The following PRKAR1B variants were observed in gnomAD, a reference collection of about 807,000 sequenced individuals.
The protein encoded by PRKAR1B is protein kinase cAMP-dependent type I regulatory subunit beta.
Under a neutral mutation model 46.5 loss-of-function variants are expected in PRKAR1B, and 22 were observed. The ratio of observed to expected loss-of-function variants is 0.47; its 90% CI spans 0.34 to 0.68. The LOEUF (loss-of-function observed/expected upper bound fraction) is 0.68. PRKAR1B is among the 30% of genes least tolerant of loss of function. PRKAR1B has a pLI of 0.01. For synonymous variants in PRKAR1B, 259 were observed against 217.7 expected (o/e 1.19, Z -1.67); for missense variants, 445 against 535.6 (o/e 0.83, Z 1.67).
At chr7:591,773 G>T (rs537772902) in intron 7 of PRKAR1B, among the ~76,000 whole-genome samples, 1 of 152,284 alleles carries the variant, frequency 6.6e-6, no homozygotes, top group African/African-American at 2.4e-5. Flanking sequence ...GAAATGACTG[G>T]TGATGCCTGA....
chr7:680,643 C>T lies in PRKAR1B; in HGVS notation c.261G>A (p.Pro87=), dbSNP rs545804273. 25 of 1,160,366 alleles carry T rather than the reference C, an allele frequency of 2.2e-5. No individual in the cohort carries two copies. The highest frequency in any genetic ancestry group is 7.6e-5 in the East Asian group (2 of 26,312). 71.9% of individuals were successfully genotyped at this position (1,160,366 alleles called of 1,614,324 possible). Residue 87 remains proline, a synonymous_variant, in exon 3 of 11, where the codon CCG becomes CCA. Transcript: ENST00000537384. ...GGCGGCGGGCCTTCACCACAGGGTT[C>T]GGGGGGGTGGGCGACACCTCCTCAT... ...SHDEEVSPTP[P]NPVVKARRRR... is the part of the protein sequence containing the mutation.
chr7:662,017 C>T (rs1221216021), intron 4 of PRKAR1B, among the ~76,000 whole-genome samples: 6 of 72,672 alleles, frequency 8.3e-5, no homozygotes, highest in South Asian at 8.3e-4. Context: ...AGGTCCCCAC[C>T]CCAACGGATC....
chr7:634,342 C>G (rs1783923328), intron 4 of PRKAR1B, among the ~76,000 whole-genome samples: 1 of 149,930 alleles, frequency 6.7e-6, no homozygotes, highest in Non-Finnish European at 1.5e-5. Context: ...CATTTTTCAA[C>G]TTAGCCAGGT....
chr7:583,137 G>A (rs993205338), intron 8 of PRKAR1B, among the ~76,000 whole-genome samples: 2 of 152,082 alleles, frequency 1.3e-5, no homozygotes, highest in Non-Finnish European at 2.9e-5. Flanking sequence ...TGGGAGCGGT[G>A]CCGACAACGT....
chr7:667,735 T>C lies in PRKAR1B; in HGVS notation c.440+9494A>G, dbSNP rs1786010081. Reference sequence around the variant, plus strand: ...CGAGCTCAAACCCTAGCTCTGCTCCTGAGGAGTTGTGGGGCCTTGGACAAG... The same window carrying C: ...CGAGCTCAAACCCTAGCTCTGCTCCCGAGGAGTTGTGGGGCCTTGGACAAG... On this transcript the variant is annotated intron_variant, in intron 4 of 10. Coordinates refer to ENST00000537384, the MANE Select transcript of PRKAR1B (RefSeq NM_001164760.2). This position sits in a 1 kb window ranked among gnomAD's most constrained non-coding sequence, Gnocchi z 4.3. 6.6e-6 allele frequency among the ~76,000 whole-genome samples: 1 copy of C among 152,162 alleles called. No homozygotes were observed. Among genetic ancestry groups the C allele is most frequent in the African/African-American group, 2.4e-5 (1 of 41,428 alleles).
intron 1 of PRKAR1B, among the ~76,000 whole-genome samples, chr7:723,715 T>C (rs1781154089): frequency 2.0e-5 from 3 of 152,190 alleles, no homozygotes; most frequent in Non-Finnish European, 4.4e-5. Flanking sequence ...TGCTCCCACC[T>C]TGAAATCCTC....
chr7:688,525 C>T (rs575248159), intron 2 of PRKAR1B, among the ~76,000 whole-genome samples: 3 of 152,334 alleles, frequency 2.0e-5, no homozygotes, highest in East Asian at 3.9e-4. Context: ...GCGTGATCTG[C>T]CCTCAGCCCC....
intron 8 of PRKAR1B, among the ~76,000 whole-genome samples, chr7:582,583 G>T (rs1384592485): frequency 6.6e-6 from 1 of 152,290 alleles, no homozygotes; most frequent in African/African-American, 2.4e-5. Flanking sequence ...CACGCGGCCA[G>T]GGCGTGCGAC....
chr7:692,402 A>G (rs1338616275), intron 2 of PRKAR1B, among the ~76,000 whole-genome samples: 2 of 152,110 alleles, frequency 1.3e-5, no homozygotes, highest in Non-Finnish European at 1.5e-5. Flanking sequence ...CTCTGTCTCA[A>G]AAAAAGAAAC....
intron 1 of PRKAR1B, among the ~76,000 whole-genome samples, chr7:725,621 C>G (rs545675892): frequency 6.6e-6 from 1 of 152,336 alleles, no homozygotes; most frequent in East Asian, 1.9e-4. Flanking sequence ...AAGATGATAA[C>G]AGCCCTTTCC....
chr7:652,534 G>T (rs561007562), intron 4 of PRKAR1B, among the ~76,000 whole-genome samples: 4 of 152,148 alleles, frequency 2.6e-5, no homozygotes, highest in Non-Finnish European at 5.9e-5. Context: ...ACCCCTCTCG[G>T]AAGAAAGTTC....
chr7:711,878 T>G (rs1011083937), intron 1 of PRKAR1B, among the ~76,000 whole-genome samples: 32 of 147,928 alleles, frequency 2.2e-4, no homozygotes, highest in African/African-American at 7.3e-4. Flanking sequence ...AGCCGGGGGG[T>G]TCCAGGGCCT....
intron 9 of PRKAR1B, among the ~76,000 whole-genome samples, chr7:578,227 C>T (rs1374584219): frequency 2.6e-5 from 4 of 152,050 alleles, no homozygotes; most frequent in East Asian, 1.9e-4. Flanking sequence ...CGCCGGCACC[C>T]GGAATGGGAG....
chr7:653,922 T>C (rs1422860873), intron 4 of PRKAR1B, among the ~76,000 whole-genome samples: 2 of 150,946 alleles, frequency 1.3e-5, no homozygotes, highest in Non-Finnish European at 3.0e-5. Flanking sequence ...ACCTTCACCA[T>C]CACCACCACT....
At chr7:648,442 T>C (rs1175547223) in intron 4 of PRKAR1B, among the ~76,000 whole-genome samples, 1 of 151,682 alleles carries the variant, frequency 6.6e-6, no homozygotes, top group Non-Finnish European at 1.5e-5. Flanking sequence ...CAAAACTCCA[T>C]CTCTACAAAA....
chr7:658,038 C>T (rs975718762), intron 4 of PRKAR1B, among the ~76,000 whole-genome samples: 7 of 152,016 alleles, frequency 4.6e-5, no homozygotes, highest in African/African-American at 9.7e-5. Flanking sequence ...AAACACAGGC[C>T]GAGACAGCAG....
intron 4 of PRKAR1B, among the ~76,000 whole-genome samples, chr7:616,842 A>G (rs1782848925): frequency 6.6e-6 from 1 of 152,096 alleles, no homozygotes; most frequent in Non-Finnish European, 1.5e-5. Flanking sequence ...TATTTTTGGG[A>G]AAAAAAGTAC....
intron 4 of PRKAR1B, among the ~76,000 whole-genome samples, chr7:671,957 T>C (rs34472310): frequency 0.081 from 12,390 of 152,196 alleles, 662 homozygotes; most frequent in Middle Eastern, 0.2. Flanking sequence ...CAGGCCTCTC[T>C]CAATGTCCTT....
chr7:653,390 G>A (rs144794538), intron 4 of PRKAR1B, among the ~76,000 whole-genome samples: 62 of 152,254 alleles, frequency 4.1e-4, no homozygotes, highest in Admixed American at 9.1e-4. Flanking sequence ...CCACCTCATC[G>A]TTCAGAAGGA....
Sources: allele counts gnomAD v4.1 joint callset (sites outside exome capture counted in the v4.1 genomes callset), GRCh38; gene constraint gnomAD v4.1.1; non-coding constraint Gnocchi (gnomAD v3.1); transcripts MANE v1.5; gene names NCBI Gene and HGNC (gene_info 2026-07-23, HGNC 2026-07-21).